Variants in STIP1 observed in about 807,000 individuals in gnomAD.
STIP1 encodes stress-induced-phosphoprotein 1.
Under a neutral mutation model 77.4 loss-of-function variants are expected in STIP1, and 16 were observed. That is an observed-to-expected ratio of 0.21 (90% CI 0.14 to 0.31). The LOEUF (loss-of-function observed/expected upper bound fraction) is 0.31. Ranked by LOEUF, STIP1 falls within the 10% of genes least tolerant of loss-of-function variation. The pLI, the probability that STIP1 is intolerant of heterozygous loss-of-function variation, is 1.00. For missense variants in STIP1, 524 were observed against 684.8 expected, an observed-to-expected ratio of 0.77 and a Z score of 2.62; for synonymous variants, 258 against 246.6, an observed-to-expected ratio of 1.05 and a Z score of -0.44.
chr11:64,190,678 T>G (rs1011137573), intron 1 of STIP1, among the ~76,000 whole-genome samples: 2 of 152,190 alleles, frequency 1.3e-5, no homozygotes, highest in African/African-American at 4.8e-5. Context: ...AGTTAGTAAC[T>G]TCGGTGACAA....
At position 64,199,921 on chromosome 11, in the gene STIP1, C is replaced by G; in HGVS notation, c.1024-19C>G. ...ATTATGAGCGTTTAAATTATTATTT[C>G]AAGAATTATGTTTTGTAGGCAGAGA... is the stretch of plus-strand genomic sequence containing the variant. On this transcript the variant is annotated intron_variant, in intron 8 of 13. Coordinates refer to ENST00000305218, the MANE Select transcript of STIP1 (RefSeq NM_006819.3). 1 of 1,613,400 alleles carries G rather than the reference C, an allele frequency of 6.2e-7. No homozygotes were observed. Among genetic ancestry groups the G allele is most frequent in the Non-Finnish European group, 8.5e-7 (1 of 1,179,712 alleles).
intron 1 of STIP1, among the ~76,000 whole-genome samples, chr11:64,188,217 G>A (rs143157014): frequency 3.3e-5 from 5 of 151,932 alleles, no homozygotes; most frequent in Non-Finnish European, 7.4e-5. Flanking sequence ...CATGGCGCAG[G>A]CCTGTAATCC....
At chr11:64,201,318 G>A (rs1395805137) in intron 10 of STIP1, among the ~76,000 whole-genome samples, 1 of 152,220 alleles carries the variant, frequency 6.6e-6, no homozygotes, top group Admixed American at 6.5e-5. Flanking sequence ...TGGGATTACA[G>A]GCATGAGCCA....
At chr11:64,194,400 T>C (rs911714856) in intron 3 of STIP1, 70 bp downstream of exon 3, 4 of 1,610,364 alleles carry the variant, frequency 2.5e-6, no homozygotes, top group Non-Finnish European at 3.4e-6. Context: ...CCCTGAGAAA[T>C]GTCAGTCTGG....
chr11:64,185,945 T>G (rs1316266009), upstream of STIP1: 13 of 1,536,980 alleles, frequency 8.5e-6, no homozygotes, highest in Non-Finnish European at 1.1e-5. Flanking sequence ...AGAAGTTCGC[T>G]CCTCCCTCCA....
intron 13 of STIP1, 137 bp downstream of exon 13, chr11:64,203,759 G>C (rs1946248497): frequency 6.0e-6 from 7 of 1,168,980 alleles, no homozygotes; most frequent in Non-Finnish European, 8.5e-6. Flanking sequence ...TAAGGAGATT[G>C]GCAGTGGGTG....
rs771003896 is a variant in STIP1 at position 64,202,869 on chromosome 11, A to G, written c.1246-7A>G. On this transcript the variant is annotated splice_region_variant and splice_polypyrimidine_tract_variant and intron_variant, in intron 10 of 13. Coordinates refer to ENST00000305218, the MANE Select transcript of STIP1 (RefSeq NM_006819.3). The stretch of plus-strand genomic sequence containing the variant: ...GAGCCTAATTTCTTTCTGTTGCTTC[A>G]TTCTAGGACTGTGAGGAATGTATCC... 3.7e-6 allele frequency: 6 copies of G among 1,614,020 alleles called. No individual in the cohort carries two copies. The highest frequency in any genetic ancestry group is 5.1e-6 in the Non-Finnish European group (6 of 1,180,036).
rs112608567 is a variant in STIP1, at chr11:64,204,283, G to A, written c.*157G>A. On this transcript the variant is annotated 3_prime_UTR_variant, in exon 14 of 14. Transcript: ENST00000305218. ...GGAAGACACAGAGACTCGTACCTGCGCTGTTTGTGCCGCCGCTGCCTCTGG... is the reference window on the plus strand; with the variant it reads ...GGAAGACACAGAGACTCGTACCTGCACTGTTTGTGCCGCCGCTGCCTCTGG... 1,604 of 716,696 alleles carry A rather than the reference G, an allele frequency of 2.2e-3. 16 individuals carry two copies. The Middle Eastern group carries it at 0.026, about 12-fold the overall frequency. The allele number at this position is 716,696 out of a possible 1,614,324, so 44.4% of individuals were successfully genotyped here. A position where few individuals can be genotyped will look rare whatever the true frequency, so the allele number is the denominator to read the frequency against.
chr11:64,199,844 T>G, intron 8 of STIP1, 96 bp from the exon 9 acceptor site: 1 of 1,445,626 alleles, frequency 6.9e-7, no homozygotes, highest in South Asian at 1.2e-5. Flanking sequence ...ATCACAGGCG[T>G]GAGCCACCGC....
Position 64,197,476 on chromosome 11 carries a change from A to C in STIP1, c.800-17A>C, listed in dbSNP as rs763750646. On this transcript the variant is annotated splice_polypyrimidine_tract_variant and intron_variant, in intron 6 of 13. Transcript: ENST00000305218. Reference sequence around the variant, plus strand: ...AGCAAAGACTGACTGTTCCTTCTTAACCATCCTGCCTGGCAGCGGTATACT... The same window carrying C: ...AGCAAAGACTGACTGTTCCTTCTTACCCATCCTGCCTGGCAGCGGTATACT... 1.2e-6 allele frequency: 2 copies of C among 1,614,098 alleles called. No individual in the cohort carries two copies. Among genetic ancestry groups the C allele is most frequent in the African/African-American group, 1.3e-5 (1 of 74,992 alleles).
intron 10 of STIP1, chr11:64,202,616 G>A (rs577615871): frequency 5.9e-6 from 3 of 509,388 alleles, no homozygotes; most frequent in Admixed American, 3.5e-5. Context: ...CACGCATTTT[G>A]TCTAGTTGTC....
intron 1 of STIP1, among the ~76,000 whole-genome samples, chr11:64,187,893 T>C (rs1202926888): frequency 6.6e-6 from 1 of 151,938 alleles, no homozygotes; most frequent in African/African-American, 2.4e-5. Context: ...TAGTCCCAGC[T>C]ACTCGGGAGG....
At chr11:64,187,401 A>G (rs567975469) in intron 1 of STIP1, among the ~76,000 whole-genome samples, 7 of 152,024 alleles carry the variant, frequency 4.6e-5, no homozygotes, top group Admixed American at 4.6e-4. Flanking sequence ...TATACCTGGT[A>G]TCTGGTTCTT....
intron 1 of STIP1, among the ~76,000 whole-genome samples, chr11:64,189,748 T>G (rs1946070297): frequency 6.6e-6 from 1 of 152,226 alleles, no homozygotes; most frequent in East Asian, 1.9e-4. Context: ...CAAAATTGAT[T>G]TCCTGACCCA....
At chr11:64,187,505 C>T (rs1946037803) in intron 1 of STIP1, among the ~76,000 whole-genome samples, 1 of 152,180 alleles carries the variant, frequency 6.6e-6, no homozygotes, top group African/African-American at 2.4e-5. Context: ...TTGGTGTGAG[C>T]TACAGAGCTG....
At chr11:64,191,864 C>T (rs550531534) in intron 1 of STIP1, among the ~76,000 whole-genome samples, 12 of 152,044 alleles carry the variant, frequency 7.9e-5, no homozygotes, top group African/African-American at 2.9e-4. Context: ...TGGAGGGTTG[C>T]ACAGTGGCCC....
intron 1 of STIP1, among the ~76,000 whole-genome samples, chr11:64,192,321 A>G (rs1051768679): frequency 3.3e-5 from 5 of 151,872 alleles, no homozygotes; most frequent in Non-Finnish European, 7.4e-5. Flanking sequence ...CTCAAAAAAC[A>G]CAACAAAACA....
At position 64,203,490 on chromosome 11, in the gene STIP1, A is replaced by G; in HGVS notation, c.1427A>G (p.Tyr476Cys). 1 of 1,614,116 alleles carries G rather than the reference A, an allele frequency of 6.2e-7. No individual in the cohort carries two copies. The highest frequency in any genetic ancestry group is 8.5e-7 in the Non-Finnish European group (1 of 1,180,024). Residue 476 changes from tyrosine to cysteine, a missense_variant, in exon 13 of 14, where the codon TAC (tyrosine) becomes TGC (cysteine). Transcript: ENST00000305218. ...DGYQRCMMAQ[Y>C]NRHDSPEDVK... ...TACCAGCGCTGTATGATGGCGCAGT[A>G]CAACCGGCACGACAGCCCCGAAGAT...
intron 2 of STIP1, chr11:64,193,586 C>G: frequency 2.5e-6 from 1 of 399,434 alleles, no homozygotes; most frequent in Non-Finnish European, 4.7e-6. Context: ...GAGTTCAAGA[C>G]CAGCCTGGCC....
Sources: gnomAD v4.1 joint callset for allele counts (sites outside exome capture counted in the v4.1 genomes callset) on GRCh38, gnomAD v4.1.1 for gene constraint, MANE v1.5 for transcripts, NCBI Gene and HGNC (gene_info 2026-07-23, HGNC 2026-07-21) for gene names.